Variants in CD58 observed in about 807,000 individuals in gnomAD.
CD58 encodes the protein CD58 molecule, also known as lymphocyte function-associated antigen 3.
In CD58, 14 loss-of-function variants were observed where a neutral mutation model predicts 27.6. The observed-to-expected ratio is 0.51, with a 90% confidence interval of 0.34 to 0.79. The LOEUF is 0.79. Ranked by LOEUF, CD58 falls within the 30% of genes least tolerant of loss-of-function variation. The pLI is 0.02. For missense variants in CD58, 268 were observed against 301.7 expected (o/e 0.89, Z 0.83); for synonymous variants, 117 against 103.8 (o/e 1.13, Z -0.77).
intron 1 of CD58, among the ~76,000 whole-genome samples, chr1:116,568,938 A>G (rs1038547875): frequency 6.6e-6 from 1 of 152,262 alleles, no homozygotes; most frequent in African/African-American, 2.4e-5. Flanking sequence ...GGATATACCC[A>G]TTCAGTCTTG....
chr1:116,570,678 T>C lies in CD58; in HGVS notation c.70+225A>G, dbSNP rs1406946095. ...TAGCGGGCCGGAGCCCGTCCTTCCCTAAGGCCACACAGTTCCTTGCTGACT... is the reference window on the plus strand; with the variant it reads ...TAGCGGGCCGGAGCCCGTCCTTCCCCAAGGCCACACAGTTCCTTGCTGACT... On this transcript the variant is annotated intron_variant, in intron 1 of 5. Coordinates refer to ENST00000369489, the MANE Select transcript of CD58 (RefSeq NM_001779.3). The surrounding 1 kb of genome is among the most constrained non-coding windows in gnomAD (Gnocchi z 6.4). Among the ~76,000 whole-genome samples the C allele has an allele frequency of 6.6e-6, 1 of 152,010 alleles. No homozygotes were observed. Among genetic ancestry groups the C allele is most frequent in the East Asian group, 1.9e-4 (1 of 5,164 alleles).
chr1:116,518,055 T>C lies in CD58; in HGVS notation c.743+1176A>G, dbSNP rs111442771. Among the ~76,000 whole-genome samples, 8 of 152,328 alleles carry C rather than the reference T, an allele frequency of 5.3e-5. No homozygotes were observed. The Middle Eastern group carries it at 0.01, about 194-fold the overall frequency. ...AGCATTGTACTTATATTAATATATT[T>C]TGACACAGTTATTTCTATGTGATTA... On this transcript the variant is annotated intron_variant, in intron 5 of 5. Coordinates refer to ENST00000369489, the MANE Select transcript of CD58 (RefSeq NM_001779.3).
intron 3 of CD58, among the ~76,000 whole-genome samples, chr1:116,535,666 C>A (rs1219951662): frequency 7.6e-6 from 1 of 131,804 alleles, no homozygotes; most frequent in Non-Finnish European, 1.5e-5. Context: ...ACGGTGAAAC[C>A]CCGTCTCTAC....
rs2101150836 is a variant in CD58 at position 116,517,468 on chromosome 1, T to G, written c.743+1763A>C. On this transcript the variant is annotated intron_variant, in intron 5 of 5. Coordinates refer to ENST00000369489, the MANE Select transcript of CD58 (RefSeq NM_001779.3). The surrounding 1 kb of genome is among the most constrained non-coding windows in gnomAD (Gnocchi z 6.5). ...AGAAAGGACACCTGTGGCCCATCCA[T>G]CGATCCCACCTCACCTAGGCCCTTG... Among the ~76,000 whole-genome samples, 1 of 152,112 alleles carries G rather than the reference T, an allele frequency of 6.6e-6. No homozygotes were observed. Among genetic ancestry groups the G allele is most frequent in the East Asian group, 1.9e-4 (1 of 5,162 alleles).
chr1:116,518,845 T>G, intron 5 of CD58: 1 of 1,028,692 alleles, frequency 9.7e-7, no homozygotes, highest in South Asian at 3.9e-5. Context: ...GTGGAGGGAG[T>G]GTATTGTAGT....
chr1:116,547,506 T>C (rs1445949032), intron 1 of CD58, among the ~76,000 whole-genome samples: 1 of 151,920 alleles, frequency 6.6e-6, no homozygotes, highest in African/African-American at 2.4e-5. Context: ...TTTTTTTGTA[T>C]TTTTAGTAAA....
chr1:116,567,323 G>A (rs1658973426), intron 1 of CD58, among the ~76,000 whole-genome samples: 1 of 149,392 alleles, frequency 6.7e-6, no homozygotes, highest in South Asian at 2.1e-4. Context: ...AAGGGTGGGG[G>A]AAGAAAATTA....
rs1430568403 is a variant in CD58 at position 116,531,749 on chromosome 1, T to G, written c.628+4216A>C. On this transcript the variant is annotated intron_variant, in intron 3 of 5. Transcript: ENST00000369489. This position sits in a 1 kb window ranked among gnomAD's most constrained non-coding sequence, Gnocchi z 4.5. ...ATTGGGACTCATTTGCACTTTTTCT[T>G]TTTTTTCTCCGTGTTTCATAACTTT... Among the ~76,000 whole-genome samples, 1 of 152,206 alleles carries G rather than the reference T, an allele frequency of 6.6e-6. No homozygotes were observed. Among genetic ancestry groups the G allele is most frequent in the Non-Finnish European group, 1.5e-5 (1 of 68,036 alleles).
rs1302886722 is a variant in CD58 at position 116,557,450 on chromosome 1, T to C, written c.71-12846A>G. Among the ~76,000 whole-genome samples, 2 of 152,176 alleles carry C rather than the reference T, an allele frequency of 1.3e-5. No individual in the cohort carries two copies. The highest frequency in any genetic ancestry group is 1.9e-4 in the East Asian group (1 of 5,198). The stretch of plus-strand genomic sequence containing the variant: ...AACTCCACAGCTGTCCCTTTTGAGA[T>C]GTTCCCTCTCAAGTTTAAGTAGATT... On this transcript the variant is annotated intron_variant, in intron 1 of 5. Coordinates refer to ENST00000369489, the MANE Select transcript of CD58 (RefSeq NM_001779.3). The surrounding 1 kb of genome is among the most constrained non-coding windows in gnomAD (Gnocchi z 5.2).
intron 1 of CD58, among the ~76,000 whole-genome samples, chr1:116,564,948 C>T (rs1658883548): frequency 6.6e-6 from 1 of 152,172 alleles, no homozygotes; most frequent in Non-Finnish European, 1.5e-5. Flanking sequence ...GCTACTTGCC[C>T]AGCACTATCC....
rs1411414273 is a variant in CD58 at position 116,570,578 on chromosome 1, G to A, written c.70+325C>T. 6.6e-6 allele frequency among the ~76,000 whole-genome samples: 1 copy of A among 152,104 alleles called. No homozygotes were observed. The highest frequency in any genetic ancestry group is 2.4e-5 in the African/African-American group (1 of 41,442). ...TGAAGCGCTCAGCGACGTTACTGGG[G>A]AAGCCCAGGAAGGAACTTGGTCACT... On this transcript the variant is annotated intron_variant, in intron 1 of 5. Coordinates refer to ENST00000369489, the MANE Select transcript of CD58 (RefSeq NM_001779.3). This position sits in a 1 kb window ranked among gnomAD's most constrained non-coding sequence, Gnocchi z 6.4.
In CD58 at chr1:116,559,443, G is replaced by T. The variant is rs545517943; in HGVS notation, c.70+11460C>A. Among the ~76,000 whole-genome samples, 133 of 152,272 alleles carry T rather than the reference G, an allele frequency of 8.7e-4. No individual in the cohort carries two copies. The highest frequency in any genetic ancestry group is 1.4e-3 in the Non-Finnish European group (97 of 68,006). ...AGTCGGCCCCAGAGCCTGCACTGTT[G>T]GCCAGAACATCAGATGCCTTGGTTG... On this transcript the variant is annotated intron_variant, in intron 1 of 5. Transcript: ENST00000369489. The surrounding 1 kb of genome is among the most constrained non-coding windows in gnomAD (Gnocchi z 4.4).
At position 116,536,200 on chromosome 1, in the gene CD58, A is replaced by T. The variant is rs770324287; in HGVS notation, c.393T>A (p.Cys131Ter). 1 of 1,612,612 alleles carries T rather than the reference A, an allele frequency of 6.2e-7. No homozygotes were observed. Among genetic ancestry groups the T allele is most frequent in the Admixed American group, 1.7e-5 (1 of 59,998 alleles). ...LESLPSPTLT[C>*]ALTNGSIEVQ... is the part of the protein sequence containing the mutation. ...CTTCAATGCTTCCATTAGTCAATGC[A>T]CAAGTTAGTGTGGGAGATGGAAGAG... Residue 131 changes from cysteine (C) to a stop codon, truncating the protein, a stop_gained, in exon 3 of 6, where the codon TGT becomes TGA. Transcript: ENST00000369489. LOFTEE classifies it high-confidence loss of function. This position sits in a 1 kb window ranked among gnomAD's most constrained non-coding sequence, Gnocchi z 5.4.
In CD58 at chr1:116,540,572, C is replaced by G. The variant is rs183675962; in HGVS notation, c.364+3739G>C. ...CTTCCAAAAATGTATTTTATCAAGT[C>G]ACTTCCTTGCTCCAGTATAGGACAC... On this transcript the variant is annotated intron_variant, in intron 2 of 5. Transcript: ENST00000369489. Among the ~76,000 whole-genome samples, 259 of 152,228 alleles carry G rather than the reference C, an allele frequency of 1.7e-3. 4 individuals carry two copies. The highest frequency in any genetic ancestry group is 5.8e-3 in the African/African-American group (241 of 41,510).
In CD58 at chr1:116,534,255, T is replaced by C. The variant is rs560792963; in HGVS notation, c.628+1710A>G. ...CAAGGACTTTCTTCCCCATCAGACATGCCCTCGTCCACACGAAACTTACAA... is the reference window on the plus strand; with the variant it reads ...CAAGGACTTTCTTCCCCATCAGACACGCCCTCGTCCACACGAAACTTACAA... On this transcript the variant is annotated intron_variant, in intron 3 of 5. Transcript: ENST00000369489. The surrounding 1 kb of genome is among the most constrained non-coding windows in gnomAD (Gnocchi z 5.3). Among the ~76,000 whole-genome samples, 1 of 152,288 alleles carries C rather than the reference T, an allele frequency of 6.6e-6. No homozygotes were observed. The highest frequency in any genetic ancestry group is 2.4e-5 in the African/African-American group (1 of 41,550).
In CD58 at chr1:116,536,040, T is replaced by C. The variant is rs1165066171; in HGVS notation, c.553A>G (p.Ile185Val). Residue 185 changes from isoleucine (I) to valine (V), a missense_variant, in exon 3 of 6, where the codon ATA becomes GTA. By Grantham distance (29) the Ile-to-Val change is conservative. Transcript: ENST00000369489. The surrounding 1 kb of genome is among the most constrained non-coding windows in gnomAD (Gnocchi z 5.4). ...AATGGATTGCTAAGAGTACACTGTA[T>C]TTTTTGTGGAAGATCATTTTCCATC... ...FKMENDLPQK[I>V]QCTLSNPLFN... The C allele has an allele frequency of 3.7e-6, 6 of 1,613,068 alleles. No individual in the cohort carries two copies. The highest frequency in any genetic ancestry group is 5.1e-6 in the Non-Finnish European group (6 of 1,179,272).
At chr1:116,558,153 CAAAA>C (rs34264439) in intron 1 of CD58, among the ~76,000 whole-genome samples, 3 of 95,168 alleles carry the variant, frequency 3.2e-5, no homozygotes, top group Non-Finnish European at 7.0e-5. Context: ...TTCATTTGAC[CAAAA>C]AAAAAAAAAA....
chr1:116,534,188 C>T lies in CD58; in HGVS notation c.628+1777G>A. 1.7e-6 allele frequency: 1 copy of T among 598,964 alleles called. No individual in the cohort carries two copies. The highest frequency in any genetic ancestry group is 1.7e-5 in the South Asian group (1 of 58,892). The allele number at this position is 598,964 out of a possible 1,614,324, so 37.1% of individuals were successfully genotyped here. Reference sequence around the variant, plus strand: ...TCCTCGGGGAGCACACGCCGCCCATCTGGCTCGCACCGCACAGCTCCCAAC... The same window carrying T: ...TCCTCGGGGAGCACACGCCGCCCATTTGGCTCGCACCGCACAGCTCCCAAC... On this transcript the variant is annotated intron_variant, in intron 3 of 5. Coordinates refer to ENST00000369489, the MANE Select transcript of CD58 (RefSeq NM_001779.3). The surrounding 1 kb of genome is among the most constrained non-coding windows in gnomAD (Gnocchi z 5.3).
At position 116,536,963 on chromosome 1, in the gene CD58, T is replaced by C. The variant is rs1033632354; in HGVS notation, c.365-735A>G. On this transcript the variant is annotated intron_variant, in intron 2 of 5. Transcript: ENST00000369489. The surrounding 1 kb of genome is among the most constrained non-coding windows in gnomAD (Gnocchi z 5.4). ...TCATTATCGTTTCACCACAAAAATA[T>C]TCCTGTGCTTGGCAGGACACAGTGG... Among the ~76,000 whole-genome samples the C allele has an allele frequency of 6.6e-6, 1 of 152,226 alleles. No individual in the cohort carries two copies. The highest frequency in any genetic ancestry group is 1.9e-4 in the East Asian group (1 of 5,200).
Sources: allele counts gnomAD v4.1 joint callset (sites outside exome capture counted in the v4.1 genomes callset), GRCh38; gene constraint gnomAD v4.1.1; non-coding constraint Gnocchi (gnomAD v3.1); transcripts MANE v1.5; gene names NCBI Gene and HGNC (gene_info 2026-07-23, HGNC 2026-07-21).